The following SYNE2 variants were observed in gnomAD, a reference collection of about 807,000 sequenced individuals.
The protein encoded by SYNE2 is spectrin repeat containing nuclear envelope protein 2.
SYNE2 carries 431 observed loss-of-function variants against 856.3 expected under a neutral mutation model. The ratio of observed to expected loss-of-function variants is 0.50; its 90% CI spans 0.47 to 0.55. The LOEUF (loss-of-function observed/expected upper bound fraction) is 0.55. Among genes scored for constraint, SYNE2 ranks in the 20% least tolerant of loss-of-function variants. SYNE2 has a pLI of 0.00. For synonymous variants in SYNE2, 2,923 were observed against 2,872.3 expected (o/e 1.02, Z -0.56); for missense variants, 8,129 against 8,023.2 (o/e 1.01, Z -0.50).
intron 58 of SYNE2, among the ~76,000 whole-genome samples, 188 bp downstream of exon 58, chr14:64,088,044 A>G (rs1231041972): frequency 1.3e-5 from 2 of 152,178 alleles, no homozygotes; most frequent in African/African-American, 4.8e-5. Context: ...TTAGCTGGGC[A>G]TCGTGGTGCA....
Position 64,053,112 on chromosome 14 carries a change from G to A in SYNE2, c.9199G>A (p.Glu3067Lys). The change falls in exon 48 of 116, where the codon GAA becomes AAA. Residue 3067 changes from glutamate to lysine, a missense_variant. Glu to Lys is a moderately conservative substitution (Grantham distance 56, BLOSUM62 1). Coordinates refer to ENST00000555002, the MANE Select transcript of SYNE2 (RefSeq NM_182914.3). ...TGATTTGCAAATTAAGAAAATGACT[G>A]AAGTAGTACTAAAAGCTCCTGATAG... Reference protein sequence around the residue: ...AIDLQIKKMTEVVLKAPDSSP... With the variant: ...AIDLQIKKMTKVVLKAPDSSP... 6.2e-7 allele frequency: 1 copy of A among 1,614,052 alleles called. No individual in the cohort carries two copies. The highest frequency in any genetic ancestry group is 1.1e-5 in the South Asian group (1 of 90,980).
At chr14:64,012,551 C>G (rs1251662891) in intron 32 of SYNE2, among the ~76,000 whole-genome samples, 2 of 152,130 alleles carry the variant, frequency 1.3e-5, no homozygotes, top group African/African-American at 4.8e-5. Flanking sequence ...TCTGCTTTGT[C>G]TGTACTCCTT....
At chr14:63,956,528 C>T (rs2096243796) in intron 8 of SYNE2, 1 of 434,336 alleles carries the variant, frequency 2.3e-6, no homozygotes, top group African/African-American at 2.0e-5. Context: ...GTGGATTTGT[C>T]ACTTAATCTT....
intron 21 of SYNE2, among the ~76,000 whole-genome samples, chr14:63,991,776 T>C (rs1196891526): frequency 1.3e-5 from 2 of 152,138 alleles, no homozygotes; most frequent in Non-Finnish European, 2.9e-5. Flanking sequence ...AGTAATACTT[T>C]TTTTCATTCA....
rs185674511 is a variant in SYNE2 at position 63,986,538 on chromosome 14, A to G, written c.2234A>G (p.Gln745Arg). 1.1e-5 allele frequency: 17 copies of G among 1,614,188 alleles called. No homozygotes were observed. The African/African-American group carries it at 2.0e-4, about 19-fold the overall frequency. Reference sequence around the variant, plus strand: ...AAAGATGTTGAAAAACTCATTGGACAAGTGGAAATCTGGGAGGCAGAAGCC... The same window carrying G: ...AAAGATGTTGAAAAACTCATTGGACGAGTGGAAATCTGGGAGGCAGAAGCC... ...VAKDVEKLIG[Q>R]VEIWEAEAKS... The change falls in exon 19 of 116, where the codon CAA becomes CGA. Residue 745 changes from glutamine to arginine, a missense_variant. By Grantham distance (43) the Gln-to-Arg change is conservative. Coordinates refer to ENST00000555002, the MANE Select transcript of SYNE2 (RefSeq NM_182914.3).
rs780352939 is a variant in SYNE2, at chr14:64,212,087, C to T, written c.18850C>T (p.Arg6284Cys). ...AGAGAGTGACGCCGATGACAAGATGCGCCAACTGAATGTGAGGGCTGCTGC... is the reference window on the plus strand; with the variant it reads ...AGAGAGTGACGCCGATGACAAGATGTGCCAACTGAATGTGAGGGCTGCTGC... ...FSESDADDKMRQLNGFQQEIT... is the reference protein window; with the variant it reads ...FSESDADDKMCQLNGFQQEIT... The change falls in exon 104 of 116, where the codon CGC becomes TGC. Residue 6284 changes from arginine (R) to cysteine (C), a missense_variant. Coordinates refer to ENST00000555002, the MANE Select transcript of SYNE2 (RefSeq NM_182914.3). The T allele has an allele frequency of 4.6e-5, 74 of 1,613,990 alleles. No homozygotes were observed. Among genetic ancestry groups the T allele is most frequent in the South Asian group, 3.0e-4 (27 of 91,078 alleles).
At chr14:64,103,693 T>C (rs1463298459) in intron 64 of SYNE2, among the ~76,000 whole-genome samples, 1 of 152,102 alleles carries the variant, frequency 6.6e-6, no homozygotes, top group Non-Finnish European at 1.5e-5. Context: ...TCTACCTCAG[T>C]ACTCAGGCTT....
intron 2 of SYNE2, among the ~76,000 whole-genome samples, chr14:63,925,448 G>A (rs191982068): frequency 6.6e-6 from 1 of 152,274 alleles, no homozygotes; most frequent in African/African-American, 2.4e-5. Context: ...GACATGCAAT[G>A]CATAATAATC....
chr14:63,887,224 TGA>T (rs1566714321), intron 1 of SYNE2, among the ~76,000 whole-genome samples: 7 of 151,648 alleles, frequency 4.6e-5, no homozygotes, highest in African/African-American at 1.7e-4. Context: ...GAGGTTGCAG[TGA>T]GCCGAGATCG....
intron 99 of SYNE2, among the ~76,000 whole-genome samples, chr14:64,201,707 TG>T (rs2098567900): frequency 6.6e-6 from 1 of 151,848 alleles, no homozygotes; most frequent in Non-Finnish European, 1.5e-5. Flanking sequence ...AAGTAAGAGG[TG>T]ATGGTGGCAT....
Position 63,815,104 on chromosome 14 carries a change from A to ATC in SYNE2, c.-304-37397_-304-37396insTC, listed in dbSNP as rs1475515916. On this transcript the variant is annotated intron_variant, in intron 1 of 23. Transcript: ENST00000674003. ...TCCATATATATGCACATATATATCC[A>ATC]CACATATATCCATATATATCCACAT... Among the ~76,000 whole-genome samples, 441 of 111,300 alleles carry ATC rather than the reference A, an allele frequency of 4.0e-3. 12 individuals carry two copies. The highest frequency in any genetic ancestry group is 6.0e-3 in the Non-Finnish European group (316 of 52,546). 73.0% of individuals were successfully genotyped at this position (111,300 alleles called of 152,430 possible).
intron 11 of SYNE2, among the ~76,000 whole-genome samples, chr14:63,972,032 C>T (rs547941398): frequency 6.6e-6 from 1 of 152,276 alleles, no homozygotes; most frequent in Admixed American, 6.5e-5. Flanking sequence ...ACATTTTCCA[C>T]ACCATTTACT....
chr14:64,222,479 C>T (rs181285083), intron 112 of SYNE2, among the ~76,000 whole-genome samples: 21 of 152,218 alleles, frequency 1.4e-4, no homozygotes, highest in South Asian at 4.2e-4. Context: ...CTGAGACGGG[C>T]GGATCGCCTG....
In SYNE2 at chr14:64,021,878, C is replaced by G. The variant is rs1215318426; in HGVS notation, c.5374C>G (p.Gln1792Glu). 6.2e-7 allele frequency: 1 copy of G among 1,613,908 alleles called. No individual in the cohort carries two copies. The highest frequency in any genetic ancestry group is 8.5e-7 in the Non-Finnish European group (1 of 1,179,950). The part of the protein sequence containing the change: ...KLEEIQQQIL[Q>E]QKHSMILLEN... ...TTAGGAGATACAACAGCAGATTCTACAGCAAAAACACAGTATGATATTACT... is the reference window on the plus strand; with the variant it reads ...TTAGGAGATACAACAGCAGATTCTAGAGCAAAAACACAGTATGATATTACT... Residue 1792 changes from glutamine to glutamate, a missense_variant, in exon 37 of 116, where the codon CAG becomes GAG. Around this residue, in one of 3 missense-constraint regions of SYNE2, gnomAD observed 2,422 missense variants for 2,357.4 expected, o/e 1.03. Transcript: ENST00000555002.
chr14:64,122,480 C>A, intron 70 of SYNE2, 53 bp downstream of exon 70: 9 of 1,610,914 alleles, frequency 5.6e-6, no homozygotes, highest in Non-Finnish European at 7.6e-6. Flanking sequence ...GAAAATCCAA[C>A]AAGCATTCAT....
intron 100 of SYNE2, among the ~76,000 whole-genome samples, chr14:64,206,694 T>C (rs2098606932): frequency 6.6e-6 from 1 of 152,142 alleles, no homozygotes; most frequent in Non-Finnish European, 1.5e-5. Context: ...GAATAAATAA[T>C]GTAGGATAAT....
chr14:63,859,273 C>T (rs993685441), intron 1 of SYNE2, among the ~76,000 whole-genome samples: 2 of 152,148 alleles, frequency 1.3e-5, no homozygotes, highest in African/African-American at 4.8e-5. Flanking sequence ...CATGAACCAG[C>T]TGTTGGTTTC....
Position 64,205,408 on chromosome 14 carries a change from C to T in SYNE2, c.18201+2445C>T, listed in dbSNP as rs1229556553. Among the ~76,000 whole-genome samples the T allele has an allele frequency of 2.6e-5, 4 of 152,292 alleles. No homozygotes were observed. In the East Asian group the frequency reaches 7.7e-4, roughly 29 times the overall value. ...TTATGTATGGGCCACTTTTTAAAAC[C>T]TTACCTAGTGACCATTTTTGGTCTG... On this transcript the variant is annotated intron_variant, in intron 100 of 115. Coordinates refer to ENST00000555002, the MANE Select transcript of SYNE2 (RefSeq NM_182914.3).
intron 1 of SYNE2, among the ~76,000 whole-genome samples, chr14:63,874,168 CTA>C (rs1291107000): frequency 2.0e-5 from 3 of 152,146 alleles, no homozygotes; most frequent in African/African-American, 7.2e-5. Context: ...CATTACGTAT[CTA>C]TGAGATGTCC....
Sources: allele counts gnomAD v4.1 joint callset (sites outside exome capture counted in the v4.1 genomes callset), GRCh38; gene constraint gnomAD v4.1.1; regional missense constraint gnomAD v4.1.1; transcripts MANE v1.5; gene names NCBI Gene and HGNC (gene_info 2026-07-23, HGNC 2026-07-21).